The following SNX29 variants were observed in gnomAD, a reference collection of about 807,000 sequenced individuals.
SNX29 encodes sorting nexin-29.
SNX29 carries 78 observed loss-of-function variants against 102.1 expected under a neutral mutation model. The observed-to-expected ratio is 0.76, with a 90% CI of 0.64 to 0.92. The LOEUF is 0.92. SNX29 is among the 40% of genes least tolerant of loss of function. The pLI is 0.00. For synonymous variants in SNX29, 580 were observed against 414.5 expected (o/e 1.40, Z -4.85); for missense variants, 1,280 against 1,061.7 (o/e 1.21, Z -2.86).
chr16:12,346,415 C>A (rs771682150), intron 15 of SNX29, among the ~76,000 whole-genome samples: 1 of 152,066 alleles, frequency 6.6e-6, no homozygotes, highest in Non-Finnish European at 1.5e-5. Flanking sequence ...ACATTTGCAT[C>A]GTTGTTAATG....
chr16:12,152,040 G>A (rs1447885779), intron 13 of SNX29, among the ~76,000 whole-genome samples: 1 of 151,982 alleles, frequency 6.6e-6, no homozygotes, highest in Non-Finnish European at 1.5e-5. Context: ...GCAATGTGGT[G>A]AAACCGCATC....
At chr16:12,002,585 C>T (rs1238488192) in intron 2 of SNX29, among the ~76,000 whole-genome samples, 2 of 152,188 alleles carry the variant, frequency 1.3e-5, no homozygotes, top group Non-Finnish European at 2.9e-5. Flanking sequence ...AACTCTGGGG[C>T]TCGTCCAAAG....
chr16:12,063,326 C>A (rs2050858303), intron 9 of SNX29, among the ~76,000 whole-genome samples: 1 of 146,444 alleles, frequency 6.8e-6, no homozygotes. Flanking sequence ...CCCTCCACTT[C>A]CTGATGGGGG....
intron 13 of SNX29, among the ~76,000 whole-genome samples, chr16:12,175,557 A>C (rs1202364607): frequency 1.3e-5 from 2 of 152,162 alleles, no homozygotes; most frequent in African/African-American, 2.4e-5. Flanking sequence ...AGGTAGAGGC[A>C]CAAGAATCTC....
chr16:12,241,347 T>C (rs1051623381), intron 14 of SNX29, among the ~76,000 whole-genome samples: 2 of 152,172 alleles, frequency 1.3e-5, no homozygotes, highest in Non-Finnish European at 2.9e-5. Context: ...AGGGGGTTTA[T>C]TGATTGAATT....
At chr16:12,036,194 C>T (rs1393031392) in intron 4 of SNX29, among the ~76,000 whole-genome samples, 1 of 152,162 alleles carries the variant, frequency 6.6e-6, no homozygotes, top group Non-Finnish European at 1.5e-5. Context: ...CCTGCTTCCG[C>T]CTCCCAAGTA....
intron 13 of SNX29, among the ~76,000 whole-genome samples, chr16:12,146,011 C>G (rs1430609334): frequency 1.3e-5 from 2 of 152,242 alleles, no homozygotes; most frequent in African/African-American, 4.8e-5. Context: ...AAAATCCTTT[C>G]CAAGAAAGCG....
intron 19 of SNX29, among the ~76,000 whole-genome samples, chr16:12,510,152 C>T (rs2089549558): frequency 1.3e-5 from 2 of 152,154 alleles, no homozygotes; most frequent in Admixed American, 1.3e-4. Context: ...GCCCATACCG[C>T]CCAGGACGAG....
At chr16:11,999,488 C>T (rs1280057794) in intron 2 of SNX29, 130 bp downstream of exon 2, 3 of 888,088 alleles carry the variant, frequency 3.4e-6, no homozygotes, top group African/African-American at 1.7e-5. Flanking sequence ...AAGTGATCTA[C>T]TCATTTTTCC....
intron 14 of SNX29, among the ~76,000 whole-genome samples, chr16:12,268,401 T>C (rs1002339565): frequency 6.6e-6 from 1 of 152,226 alleles, no homozygotes; most frequent in Admixed American, 6.5e-5. Context: ...AGAGCCAGAC[T>C]TTGACTCCCA....
At chr16:12,020,532 T>G (rs1249303339) in intron 3 of SNX29, among the ~76,000 whole-genome samples, 1 of 151,846 alleles carries the variant, frequency 6.6e-6, no homozygotes, top group Non-Finnish European at 1.5e-5. Context: ...ATTTGTAGAT[T>G]ATAGTCTAGG....
chr16:12,354,019 G>T (rs2082063786), intron 15 of SNX29, among the ~76,000 whole-genome samples: 1 of 152,198 alleles, frequency 6.6e-6, no homozygotes, highest in Non-Finnish European at 1.5e-5. Flanking sequence ...ATTCCAAGAG[G>T]CAGTGGTTGT....
intron 15 of SNX29, among the ~76,000 whole-genome samples, chr16:12,291,623 A>T (rs2079798047): frequency 6.6e-6 from 1 of 152,226 alleles, no homozygotes; most frequent in Admixed American, 6.5e-5. Context: ...AAACAGCAAG[A>T]GTCTCTCCAT....
At chr16:12,052,408 G>T in intron 8 of SNX29, 186 bp downstream of exon 8, 1 of 553,744 alleles carries the variant, frequency 1.8e-6, no homozygotes, top group East Asian at 3.7e-5. Context: ...GTAGAGATGG[G>T]GTTTCACCAT....
intron 18 of SNX29, among the ~76,000 whole-genome samples, chr16:12,463,580 C>T (rs756399215): frequency 1.7e-4 from 26 of 152,242 alleles, no homozygotes; most frequent in South Asian, 4.1e-4. Context: ...TATCTCCCAC[C>T]GGGCCCCTCC....
chr16:12,548,351 C>T (rs1311744464), intron 20 of SNX29, among the ~76,000 whole-genome samples: 2 of 152,192 alleles, frequency 1.3e-5, no homozygotes, highest in African/African-American at 4.8e-5. Context: ...TGACAGTGGG[C>T]ACTCTGCACC....
intron 16 of SNX29, among the ~76,000 whole-genome samples, chr16:12,366,042 CAAAAAAAAAAAAAAA>C (rs55895030): frequency 4.1e-5 from 3 of 72,394 alleles, no homozygotes; most frequent in Admixed American, 1.6e-4. Flanking sequence ...ACTCTTGTCT[CAAAAAAAAAAAAAAA>C]AAAAAAAAAA....
chr16:12,373,536 T>C (rs1253200518), intron 16 of SNX29: 1 of 152,184 alleles, frequency 6.6e-6, no homozygotes, highest in Admixed American at 6.5e-5. Flanking sequence ...GAATAAAATA[T>C]CAGCTTATAT....
intron 15 of SNX29, among the ~76,000 whole-genome samples, chr16:12,319,956 T>C (rs1157862686): frequency 1.3e-5 from 2 of 152,000 alleles, no homozygotes; most frequent in African/African-American, 4.8e-5. Flanking sequence ...CCCGAGTAGG[T>C]TGTGGAAATG....
Sources: gnomAD v4.1 joint callset for allele counts (sites outside exome capture counted in the v4.1 genomes callset) on GRCh38, gnomAD v4.1.1 for gene constraint, MANE v1.5 for transcripts, NCBI Gene and HGNC (gene_info 2026-07-23, HGNC 2026-07-21) for gene names.